The following NFIB variants were observed in gnomAD, a reference collection of about 807,000 sequenced individuals.
NFIB encodes the protein nuclear factor I B, also known as nuclear factor 1 B-type.
A neutral mutation model predicts 61.5 loss-of-function variants in NFIB; 11 were observed. That is an observed-to-expected ratio of 0.18 (90% CI 0.11 to 0.30). The LOEUF (loss-of-function observed/expected upper bound fraction) is 0.30, where lower values mean the gene tolerates loss of function less well. Among genes scored for constraint, NFIB ranks in the 10% least tolerant of loss-of-function variants. NFIB has a pLI of 1.00. For missense variants in NFIB, 471 were observed against 608.9 expected (o/e 0.77, Z 2.38); for synonymous variants, 260 against 216.5 (o/e 1.20, Z -1.76).
At position 14,355,490 on chromosome 9, in the gene NFIB, C is replaced by T. The variant is rs185302803; in HGVS notation, c.108+43034G>A. Among the ~76,000 whole-genome samples the T allele has an allele frequency of 1.3e-4, 20 of 152,350 alleles. 1 individual carries two copies. Among genetic ancestry groups the T allele is most frequent in the Admixed American group, 1.2e-3 (19 of 15,312 alleles). On this transcript the variant is annotated intron_variant, in intron 1 of 8. Transcript: ENST00000380934. ...ACCAATACAACAAGATGATACTCTG[C>T]ACCAGCCCATTATGTACAGCCATTT... is the stretch of plus-strand genomic sequence containing the variant.
At chr9:14,298,326 A>G (rs1057458851) in intron 2 of NFIB, among the ~76,000 whole-genome samples, 2 of 152,202 alleles carry the variant, frequency 1.3e-5, no homozygotes, top group African/African-American at 4.8e-5. Flanking sequence ...CTTTTACCTC[A>G]TATTATGACA....
At position 14,214,602 on chromosome 9, in the gene NFIB, T is replaced by C. The variant is rs187344359; in HGVS notation, c.563-34822A>G. Among the ~76,000 whole-genome samples the C allele has an allele frequency of 4.6e-3, 694 of 152,368 alleles. 5 individuals are homozygous for C. Among genetic ancestry groups the C allele is most frequent in the African/African-American group, 0.014 (585 of 41,588 alleles). ...TTCAGAGTAAAACAAAATCATATTA[T>C]GGATTGTATCATGCTTTTTACATAA... On this transcript the variant is annotated intron_variant, in intron 2 of 10. Transcript: ENST00000380953.
intron 1 of NFIB, among the ~76,000 whole-genome samples, chr9:14,339,731 A>G (rs1014596125): frequency 2.0e-5 from 3 of 152,204 alleles, no homozygotes; most frequent in Non-Finnish European, 4.4e-5. Context: ...CCCACTGCTC[A>G]TAGACATTAC....
intron 3 of NFIB, among the ~76,000 whole-genome samples, chr9:14,178,513 C>T (rs2046404438): frequency 6.6e-6 from 1 of 151,858 alleles, no homozygotes; most frequent in East Asian, 1.9e-4. Flanking sequence ...ATTTTTAAAC[C>T]TGTGTTTAAT....
the NFIB span, among the ~76,000 whole-genome samples, chr9:14,466,026 C>T: frequency 6.6e-6 from 1 of 152,088 alleles, no homozygotes; most frequent in African/African-American, 2.4e-5. Context: ...GAGAGAGAGT[C>T]GAGTCACCAG....
At chr9:14,097,609 A>T (rs535909059) in intron 10 of NFIB, among the ~76,000 whole-genome samples, 1 of 152,256 alleles carries the variant, frequency 6.6e-6, no homozygotes, top group South Asian at 2.1e-4. Flanking sequence ...ATATGTGGAG[A>T]TATACACACA....
the NFIB span, among the ~76,000 whole-genome samples, chr9:14,476,839 T>C: frequency 6.6e-6 from 1 of 152,198 alleles, no homozygotes; most frequent in Non-Finnish European, 1.5e-5. Flanking sequence ...ACCTGGAATG[T>C]TCTTAGAAGA....
At chr9:14,229,904 C>T (rs1027487911) in intron 2 of NFIB, among the ~76,000 whole-genome samples, 3 of 152,320 alleles carry the variant, frequency 2.0e-5, no homozygotes, top group Non-Finnish European at 4.4e-5. Context: ...CGGGTTCAAG[C>T]GCTTCTCCTG....
intron 1 of NFIB, among the ~76,000 whole-genome samples, chr9:14,320,346 TGCCA>T (rs2060632906): frequency 6.6e-6 from 1 of 152,228 alleles, no homozygotes; most frequent in Non-Finnish European, 1.5e-5. Flanking sequence ...ATAATTTTAT[TGCCA>T]AAGTACTTTT....
intron 1 of NFIB, among the ~76,000 whole-genome samples, chr9:14,324,419 G>A (rs1363370667): frequency 6.6e-6 from 1 of 152,176 alleles, no homozygotes; most frequent in South Asian, 2.1e-4. Context: ...CATGGGCAGT[G>A]TTATCAAATA....
intron 2 of NFIB, among the ~76,000 whole-genome samples, chr9:14,287,487 G>A (rs902898783): frequency 1.2e-4 from 18 of 151,926 alleles, no homozygotes; most frequent in East Asian, 3.9e-4. Context: ...GCAATGGCGC[G>A]ATCTCGGCTC....
At chr9:14,178,321 T>C (rs536968349) in intron 3 of NFIB, among the ~76,000 whole-genome samples, 6 of 152,254 alleles carry the variant, frequency 3.9e-5, no homozygotes, top group Middle Eastern at 3.4e-3. Context: ...ATTTATTATA[T>C]TCTAAGTAGC....
intron 3 of NFIB, among the ~76,000 whole-genome samples, chr9:14,167,540 C>T (rs1185942548): frequency 6.6e-6 from 1 of 152,034 alleles, no homozygotes; most frequent in Non-Finnish European, 1.5e-5. Context: ...CTCAACAAAA[C>T]AAAACAAACA....
intron 2 of NFIB, among the ~76,000 whole-genome samples, chr9:14,259,133 C>T (rs1211086974): frequency 6.6e-6 from 1 of 152,238 alleles, no homozygotes; most frequent in African/African-American, 2.4e-5. Flanking sequence ...AACTATTCAA[C>T]ATTCACATCT....
chr9:14,131,228 T>TA (rs1202557258), intron 6 of NFIB, among the ~76,000 whole-genome samples: 1 of 152,180 alleles, frequency 6.6e-6, no homozygotes, highest in African/African-American at 2.4e-5. Context: ...GAATATGGAA[T>TA]AAAAGATCAC....
chr9:14,514,700 A>G, the NFIB span, among the ~76,000 whole-genome samples: 1 of 152,128 alleles, frequency 6.6e-6, no homozygotes, highest in Non-Finnish European at 1.5e-5. Flanking sequence ...TTTTTCAGCT[A>G]AAATATTCTT....
At position 14,396,447 on chromosome 9, in the gene NFIB, G is replaced by A. The variant is rs371909379; in HGVS notation, c.108+2077C>T. Among the ~76,000 whole-genome samples the A allele has an allele frequency of 4.3e-4, 66 of 152,206 alleles. 1 individual carries two copies. In the South Asian group the frequency reaches 5.8e-3, roughly 13 times the overall value. ...ATGGGAGCTCTCCATTGAGTCAGCC[G>A]TCCTCTGAAATGAACAGTGGGGCCC... On this transcript the variant is annotated intron_variant, in intron 1 of 8. Coordinates refer to the NFIB transcript ENST00000380934.
At chr9:14,284,039 G>C (rs1458307068) in intron 2 of NFIB, among the ~76,000 whole-genome samples, 2 of 152,134 alleles carry the variant, frequency 1.3e-5, no homozygotes, top group African/African-American at 4.8e-5. Context: ...TAGTGGGAGT[G>C]AAGCTGGGAA....
intron 2 of NFIB, among the ~76,000 whole-genome samples, chr9:14,266,907 A>G (rs942088342): frequency 3.9e-5 from 6 of 152,206 alleles, no homozygotes; most frequent in African/African-American, 1.4e-4. Flanking sequence ...AAAAGTTTCA[A>G]TAATCCACTA....
Sources: gnomAD v4.1 joint callset for allele counts (sites outside exome capture counted in the v4.1 genomes callset) on GRCh38, gnomAD v4.1.1 for gene constraint, MANE v1.5 for transcripts, NCBI Gene and HGNC (gene_info 2026-07-23, HGNC 2026-07-21) for gene names.